The following VAV1 variants were observed in gnomAD, a reference collection of about 807,000 sequenced individuals.
VAV1 encodes the protein vav guanine nucleotide exchange factor 1.
A neutral mutation model predicts 128.1 loss-of-function variants in VAV1; 33 were observed. That is an observed-to-expected ratio of 0.26 (90% CI 0.20 to 0.34). The LOEUF (loss-of-function observed/expected upper bound fraction) is 0.34, where lower values mean the gene tolerates loss of function less well. Ranked by LOEUF, VAV1 falls within the 10% of genes least tolerant of loss-of-function variation. VAV1 has a pLI of 1.00. For synonymous variants in VAV1, 394 were observed against 409.8 expected (o/e 0.96, Z 0.47); for missense variants, 715 against 1,093.7 (o/e 0.65, Z 4.88).
intron 1 of VAV1, among the ~76,000 whole-genome samples, chr19:6,801,944 A>C (rs1490312819): frequency 6.6e-6 from 1 of 152,188 alleles, no homozygotes; most frequent in Non-Finnish European, 1.5e-5. Context: ...TATGGGCACG[A>C]TGCCAGCACA....
At chr19:6,794,287 G>A (rs1045488928) in intron 1 of VAV1, among the ~76,000 whole-genome samples, 2 of 152,172 alleles carry the variant, frequency 1.3e-5, no homozygotes, top group African/African-American at 4.8e-5. Context: ...TGGTCTGAGG[G>A]TTGGGCCTTA....
Position 6,839,222 on chromosome 19 carries a change from AT to A in VAV1, c.1980+2186del, listed in dbSNP as rs59905175. Among the ~76,000 whole-genome samples, 816 of 133,684 alleles carry A rather than the reference AT, an allele frequency of 6.1e-3. 1 individual carries two copies. Among genetic ancestry groups the A allele is most frequent in the Admixed American group, 0.01 (134 of 13,278 alleles). 87.7% of individuals were successfully genotyped at this position (133,684 alleles called of 152,430 possible). A position where few individuals can be genotyped will look rare whatever the true frequency, so the allele number is the denominator to read the frequency against. On this transcript the variant is annotated intron_variant, in intron 21 of 26. Coordinates refer to ENST00000602142, the MANE Select transcript of VAV1 (RefSeq NM_005428.4). The stretch of plus-strand genomic sequence containing the variant: ...AGCCGCAGCTGTTTTTTTGTGTGTG[AT>A]TTTTTTTTTTTTTAGAGATAGGGTC...
intron 24 of VAV1, among the ~76,000 whole-genome samples, chr19:6,851,558 A>T (rs1972675753): frequency 1.3e-5 from 2 of 152,120 alleles, no homozygotes; most frequent in Non-Finnish European, 2.9e-5. Flanking sequence ...AGATGGGTAA[A>T]ACTGAGGTTT....
chr19:6,801,471 G>A (rs1971266717), intron 1 of VAV1, among the ~76,000 whole-genome samples: 1 of 152,058 alleles, frequency 6.6e-6, no homozygotes, highest in South Asian at 2.1e-4. Context: ...CTCACAGAAG[G>A]GTTTGAGGGC....
At chr19:6,799,156 GTTTT>G (rs1022401418) in intron 1 of VAV1, among the ~76,000 whole-genome samples, 1 of 151,794 alleles carries the variant, frequency 6.6e-6, no homozygotes, top group African/African-American at 2.4e-5. Context: ...CTTGATGGAG[GTTTT>G]TTTGTTTGTT....
In VAV1 at chr19:6,777,166, C is replaced by T. The variant is rs1256912126; in HGVS notation, c.204+4155C>T. Among the ~76,000 whole-genome samples, 16 of 151,832 alleles carry T rather than the reference C, an allele frequency of 1.1e-4. No homozygotes were observed. The stretch of plus-strand genomic sequence containing the variant: ...CCATCCATCCATCCACTCATCCACC[C>T]GTCTACTCATCTATCCATTCATCTA... On this transcript the variant is annotated intron_variant, in intron 1 of 26. Transcript: ENST00000602142. The surrounding 1 kb of genome is among the most constrained non-coding windows in gnomAD (Gnocchi z 4.4).
rs1013370285 is a variant in VAV1 at position 6,802,225 on chromosome 19, G to A, written c.205-18477G>A. 3.3e-5 allele frequency among the ~76,000 whole-genome samples: 5 copies of A among 151,970 alleles called. 1 individual carries two copies. Among genetic ancestry groups the A allele is most frequent in the Non-Finnish European group, 7.4e-5 (5 of 68,010 alleles). ...GAAGTGGGGAGGGATAACATTAGGA[G>A]ATATACCTAATGCTAAATGAGGAGT... On this transcript the variant is annotated intron_variant, in intron 1 of 26. Coordinates refer to ENST00000602142, the MANE Select transcript of VAV1 (RefSeq NM_005428.4).
intron 1 of VAV1, among the ~76,000 whole-genome samples, chr19:6,807,471 C>A (rs573774962): frequency 1.3e-5 from 2 of 152,024 alleles, no homozygotes; most frequent in South Asian, 2.1e-4. Context: ...GGTGGTAATG[C>A]GAGCAATGGG....
intron 24 of VAV1, among the ~76,000 whole-genome samples, chr19:6,852,200 A>C (rs888586216): frequency 2.6e-5 from 4 of 152,086 alleles, no homozygotes; most frequent in Non-Finnish European, 5.9e-5. Context: ...TCTTTTTTAG[A>C]GATGGGATCT....
At chr19:6,830,044 G>GT in intron 14 of VAV1, 126 bp downstream of exon 14, 1 of 1,443,028 alleles carries the variant, frequency 6.9e-7, no homozygotes. Flanking sequence ...CACTCAACAG[G>GT]TGTTTTTTGT....
chr19:6,820,602 A>G lies in VAV1; in HGVS notation c.205-100A>G, dbSNP rs930096573. Reference sequence around the variant, plus strand: ...TTCATGGAAGAGGGTCTGTGCTTTCATTTCCCCTCCACACCAGTCCCCAAG... The same window carrying G: ...TTCATGGAAGAGGGTCTGTGCTTTCGTTTCCCCTCCACACCAGTCCCCAAG... On this transcript the variant is annotated intron_variant, in intron 1 of 26. Coordinates refer to ENST00000602142, the MANE Select transcript of VAV1 (RefSeq NM_005428.4). This position sits in a 1 kb window ranked among gnomAD's most constrained non-coding sequence, Gnocchi z 4.4. The G allele has an allele frequency of 4.7e-6, 4 of 860,136 alleles. No homozygotes were observed. The highest frequency in any genetic ancestry group is 7.7e-6 in the Non-Finnish European group (4 of 516,144). The allele number at this position is 860,136 out of a possible 1,614,324, so 53.3% of individuals were successfully genotyped here. A position where few individuals can be genotyped will look rare whatever the true frequency, so the allele number is the denominator to read the frequency against.
Position 6,828,276 on chromosome 19 carries a change from G to C in VAV1, c.1023+105G>C. ...GGGGGTTGGGTCTCTAGGACGCTCG[G>C]GGATGGGTCACTGGGGTCATGTCTC... On this transcript the variant is annotated intron_variant, in intron 10 of 26. Transcript: ENST00000602142. This position sits in a 1 kb window ranked among gnomAD's most constrained non-coding sequence, Gnocchi z 4.5. The C allele has an allele frequency of 6.6e-7, 1 of 1,511,740 alleles. No individual in the cohort carries two copies. Among genetic ancestry groups the C allele is most frequent in the South Asian group, 1.2e-5 (1 of 85,716 alleles). 93.6% of individuals were successfully genotyped at this position (1,511,740 alleles called of 1,614,324 possible).
At chr19:6,835,212 CAT>C (rs1373693466) in intron 19 of VAV1, among the ~76,000 whole-genome samples, 4 of 57,660 alleles carry the variant, frequency 6.9e-5, no homozygotes, top group Non-Finnish European at 1.2e-4. Context: ...TATATATATA[CAT>C]ACACACACAC....
chr19:6,846,648 T>G (rs922276194), intron 22 of VAV1, among the ~76,000 whole-genome samples: 5 of 148,832 alleles, frequency 3.4e-5, no homozygotes, highest in Non-Finnish European at 5.9e-5. Context: ...TAATATATTG[T>G]ATGTTATACC....
chr19:6,817,978 G>A (rs4029443), intron 1 of VAV1, among the ~76,000 whole-genome samples: 40,426 of 151,986 alleles, frequency 0.27, 6,294 homozygotes, highest in African/African-American at 0.43. Flanking sequence ...GAGCCACCAC[G>A]CCCAGCCTTA....
At chr19:6,799,974 C>T (rs539064207) in intron 1 of VAV1, among the ~76,000 whole-genome samples, 2 of 151,106 alleles carry the variant, frequency 1.3e-5, no homozygotes, top group Non-Finnish European at 2.9e-5. Context: ...TGGAATATAT[C>T]GTATGATAGG....
chr19:6,803,383 C>T (rs1314493145), intron 1 of VAV1, among the ~76,000 whole-genome samples: 3 of 152,174 alleles, frequency 2.0e-5, no homozygotes, highest in African/African-American at 7.2e-5. Flanking sequence ...GCTGGTGTTA[C>T]CATCACAATG....
At chr19:6,847,836 T>C (rs1972561556) in intron 22 of VAV1, among the ~76,000 whole-genome samples, 162 bp from the exon 23 acceptor site, 1 of 152,256 alleles carries the variant, frequency 6.6e-6, no homozygotes, top group Non-Finnish European at 1.5e-5. Flanking sequence ...CTCCGGCCCC[T>C]GCCTCCACGG....
rs763133831 is a variant in VAV1, at chr19:6,772,775, G to C, written c.-33G>C. 4 of 1,601,480 alleles carry C rather than the reference G, an allele frequency of 2.5e-6. No homozygotes were observed. The highest frequency in any genetic ancestry group is 8.5e-7 in the Non-Finnish European group (1 of 1,174,200). ...GGCGGGTGGGTGGTGGAGGCTGCGAGGGTGCACGGCCGGCCCTGGGCAGGC... is the reference window on the plus strand; with the variant it reads ...GGCGGGTGGGTGGTGGAGGCTGCGACGGTGCACGGCCGGCCCTGGGCAGGC... On this transcript the variant is annotated 5_prime_UTR_variant, in exon 1 of 27. Coordinates refer to ENST00000602142, the MANE Select transcript of VAV1 (RefSeq NM_005428.4). This position sits in a 1 kb window ranked among gnomAD's most constrained non-coding sequence, Gnocchi z 4.8.
Sources: allele counts gnomAD v4.1 joint callset (sites outside exome capture counted in the v4.1 genomes callset), GRCh38; gene constraint gnomAD v4.1.1; non-coding constraint Gnocchi (gnomAD v3.1); transcripts MANE v1.5; gene names NCBI Gene and HGNC (gene_info 2026-07-23, HGNC 2026-07-21).